Variants in TMEM38B observed in about 807,000 individuals in gnomAD.
TMEM38B encodes the protein trimeric intracellular cation channel type B.
Under a neutral mutation model 28.7 loss-of-function variants are expected in TMEM38B, and 24 were observed. That is an observed-to-expected ratio of 0.84 (90% CI 0.61 to 1.18). TMEM38B has a LOEUF of 1.18. Ranked by LOEUF, TMEM38B falls within the 50% of genes most tolerant of loss-of-function variation. The pLI is 0.00. For missense variants in TMEM38B, 380 were observed against 350.9 expected (o/e 1.08, Z -0.66); for synonymous variants, 131 against 127.7 (o/e 1.03, Z -0.17).
intron 4 of TMEM38B, among the ~76,000 whole-genome samples, chr9:105,740,263 T>TG (rs1174342424): frequency 7.0e-6 from 1 of 143,712 alleles, no homozygotes; most frequent in African/African-American, 2.5e-5. Flanking sequence ...CCTAGGTGTT[T>TG]TTTTTTTTTT....
intron 5 of TMEM38B, among the ~76,000 whole-genome samples, chr9:105,764,883 G>A (rs1319951846): frequency 6.6e-6 from 1 of 151,942 alleles, no homozygotes; most frequent in African/African-American, 2.4e-5. Flanking sequence ...CCAAAACAGA[G>A]ATATAGATCA....
intron 4 of TMEM38B, among the ~76,000 whole-genome samples, chr9:105,729,229 C>T (rs1317461501): frequency 1.3e-5 from 2 of 152,198 alleles, no homozygotes; most frequent in African/African-American, 4.8e-5. Flanking sequence ...ACATTTCAGT[C>T]TTTAATCCAT....
intron 2 of TMEM38B, among the ~76,000 whole-genome samples, chr9:105,714,132 A>G (rs1001818792): frequency 2.0e-5 from 3 of 148,842 alleles, no homozygotes; most frequent in Non-Finnish European, 4.5e-5. Context: ...TACAAACCGC[A>G]GAGAGGAGCC....
At chr9:105,731,706 T>C (rs1836756240) in intron 4 of TMEM38B, among the ~76,000 whole-genome samples, 1 of 152,188 alleles carries the variant, frequency 6.6e-6, no homozygotes, top group South Asian at 2.1e-4. Context: ...CAGTCTATCA[T>C]TGTTGGATAT....
At chr9:105,744,525 GA>G (rs1179832300) in intron 4 of TMEM38B, among the ~76,000 whole-genome samples, 1 of 151,574 alleles carries the variant, frequency 6.6e-6, no homozygotes, top group East Asian at 1.9e-4. Flanking sequence ...CTAGTCCTAA[GA>G]AAAGATATTT....
intron 4 of TMEM38B, among the ~76,000 whole-genome samples, chr9:105,740,618 A>G (rs1837167408): frequency 6.6e-6 from 1 of 152,092 alleles, no homozygotes; most frequent in Non-Finnish European, 1.5e-5. Context: ...ATTGCCTTTC[A>G]TATTGCTTAT....
At chr9:105,772,029 A>C (rs1425973770) in intron 5 of TMEM38B, among the ~76,000 whole-genome samples, 1 of 152,230 alleles carries the variant, frequency 6.6e-6, no homozygotes, top group Non-Finnish European at 1.5e-5. Context: ...GCTGTATTGT[A>C]CTTCAGTTTG....
chr9:105,703,447 T>C (rs1238741009), intron 1 of TMEM38B, among the ~76,000 whole-genome samples: 7 of 152,242 alleles, frequency 4.6e-5, no homozygotes, highest in Middle Eastern at 3.2e-3. Context: ...CAGTCTGTCA[T>C]TGTTGGACAT....
intron 2 of TMEM38B, among the ~76,000 whole-genome samples, chr9:105,708,545 A>G (rs969751503): frequency 6.6e-6 from 1 of 152,164 alleles, no homozygotes; most frequent in Non-Finnish European, 1.5e-5. Flanking sequence ...CATGGCCTGT[A>G]AAACCCTGCA....
At chr9:105,734,470 A>G (rs946429247) in intron 4 of TMEM38B, among the ~76,000 whole-genome samples, 1 of 152,112 alleles carries the variant, frequency 6.6e-6, no homozygotes, top group East Asian at 1.9e-4. Context: ...GGTCTAAAGT[A>G]TAGTTCACAT....
chr9:105,718,845 C>T lies in TMEM38B; in HGVS notation c.270-2692C>T, dbSNP rs1209239570. Among the ~76,000 whole-genome samples, 5 of 151,554 alleles carry T rather than the reference C, an allele frequency of 3.3e-5. No homozygotes were observed. In the East Asian group the frequency reaches 5.8e-4, roughly 18 times the overall value. ...CTTATATATGGCACATTTGTGTAAC[C>T]GAGACTACATTTAGATGAGGAAAAA... On this transcript the variant is annotated intron_variant, in intron 2 of 5. Coordinates refer to ENST00000374692, the MANE Select transcript of TMEM38B (RefSeq NM_018112.3).
At chr9:105,705,905 T>A in intron 2 of TMEM38B, 152 bp downstream of exon 2, 2 of 665,798 alleles carry the variant, frequency 3.0e-6, no homozygotes, top group South Asian at 2.8e-5. Context: ...CTAAGGGGTT[T>A]TTTTTTTTTT....
chr9:105,718,431 G>A (rs530159073), intron 2 of TMEM38B, among the ~76,000 whole-genome samples: 1 of 152,180 alleles, frequency 6.6e-6, no homozygotes, highest in East Asian at 1.9e-4. Context: ...TAGAGATGGG[G>A]TTTCTCCATG....
At chr9:105,731,295 T>TTTATTATTA (rs141356793) in intron 4 of TMEM38B, among the ~76,000 whole-genome samples, 11 of 149,544 alleles carry the variant, frequency 7.4e-5, no homozygotes, top group Non-Finnish European at 4.4e-5. Context: ...AAAGAACATC[T>TTTATTATTA]TTATTATTAT....
intron 5 of TMEM38B, chr9:105,760,248 A>G (rs530908496): frequency 2.5e-6 from 2 of 810,512 alleles, no homozygotes; most frequent in African/African-American, 1.7e-5. Flanking sequence ...GCATGAAATC[A>G]CCGATGATAC....
At chr9:105,714,187 C>T (rs1403835419) in intron 2 of TMEM38B, among the ~76,000 whole-genome samples, 1 of 152,106 alleles carries the variant, frequency 6.6e-6, no homozygotes, top group Non-Finnish European at 1.5e-5. Context: ...GACCTGCTTG[C>T]AGAGAGGAGC....
At chr9:105,767,344 A>G (rs1156818542) in intron 5 of TMEM38B, among the ~76,000 whole-genome samples, 1 of 152,172 alleles carries the variant, frequency 6.6e-6, no homozygotes, top group Non-Finnish European at 1.5e-5. Context: ...CTTAATTACC[A>G]TAACTTTATA....
intron 5 of TMEM38B, among the ~76,000 whole-genome samples, chr9:105,757,398 G>A (rs542267168): frequency 6.6e-6 from 1 of 152,016 alleles, no homozygotes; most frequent in Non-Finnish European, 1.5e-5. Context: ...TTCATATAAT[G>A]ACTTCTTTTA....
chr9:105,717,602 A>G (rs1487522278), intron 2 of TMEM38B, among the ~76,000 whole-genome samples: 1 of 152,166 alleles, frequency 6.6e-6, no homozygotes, highest in Non-Finnish European at 1.5e-5. Context: ...ATATGATTCT[A>G]TTTATAAAAC....
Sources: allele counts gnomAD v4.1 joint callset (sites outside exome capture counted in the v4.1 genomes callset), GRCh38; gene constraint gnomAD v4.1.1; transcripts MANE v1.5; gene names NCBI Gene and HGNC (gene_info 2026-07-23, HGNC 2026-07-21).